Variants in TMEM272 observed in about 807,000 individuals in gnomAD.
The protein encoded by TMEM272 is long intergenic non-protein coding RNA 282.
TMEM272 carries 8 observed loss-of-function variants against 3.7 expected under a neutral mutation model. The ratio of observed to expected loss-of-function variants is 2.17; its 90% CI spans 1.27 to 3.91. The LOEUF (loss-of-function observed/expected upper bound fraction) is 3.91. TMEM272 is among the 30% of genes most tolerant of loss of function. The probability of loss-of-function intolerance (pLI) is 0.00; values close to 1 mark genes in which losing one functional copy is unlikely to be tolerated. For synonymous variants in TMEM272, 63 were observed against 39.8 expected (o/e 1.58, Z -2.20); for missense variants, 166 against 91.5 (o/e 1.81, Z -3.32).
At chr13:51,861,530 G>T in the TMEM272 span, among the ~76,000 whole-genome samples, 2 of 152,056 alleles carry the variant, frequency 1.3e-5, no homozygotes, top group Admixed American at 6.5e-5. Flanking sequence ...TTGTAAACAG[G>T]TTAATTGAGA....
the TMEM272 span, among the ~76,000 whole-genome samples, chr13:51,852,880 CAA>C: frequency 5.0e-3 from 556 of 110,534 alleles, 3 homozygotes; most frequent in African/African-American, 0.013. Flanking sequence ...AAAACTCCGT[CAA>C]AAAAAAAAAA....
Position 51,816,717 on chromosome 13 carries a change from A to G in TMEM272, c.*34T>C. 1 of 677,534 alleles carries G rather than the reference A, an allele frequency of 1.5e-6. No individual in the cohort carries two copies. The highest frequency in any genetic ancestry group is 2.7e-6 in the Non-Finnish European group (1 of 370,080). 42.0% of individuals were successfully genotyped at this position (677,534 alleles called of 1,614,324 possible). On this transcript the variant is annotated 3_prime_UTR_variant, in exon 5 of 5. Transcript: ENST00000629372. ...TGTGCACGCGCGTGCATGCACACGC[A>G]TATGCATACATGGTATGCTGGACAA...
the TMEM272 span, among the ~76,000 whole-genome samples, chr13:51,875,041 C>T: frequency 5.3e-5 from 8 of 151,960 alleles, no homozygotes; most frequent in African/African-American, 1.9e-4. Flanking sequence ...ATTTCCCTAA[C>T]CAATGCGGCT....
At chr13:51,914,236 C>T in the TMEM272 span, among the ~76,000 whole-genome samples, 1 of 152,160 alleles carries the variant, frequency 6.6e-6, no homozygotes, top group African/African-American at 2.4e-5. Context: ...AGAGTTGGAT[C>T]GTGTAACTTG....
At chr13:51,837,875 G>A (rs1312838928) in intron 2 of TMEM272, among the ~76,000 whole-genome samples, 1 of 152,232 alleles carries the variant, frequency 6.6e-6, no homozygotes. Flanking sequence ...AGTTGCTTAA[G>A]GCTTCCCACA....
the TMEM272 span, among the ~76,000 whole-genome samples, chr13:51,913,487 G>A: frequency 3.0e-4 from 45 of 152,316 alleles, no homozygotes; most frequent in African/African-American, 8.9e-4. Context: ...TGCTTACTGA[G>A]CTCTTCCCTG....
chr13:51,905,447 T>C, the TMEM272 span, among the ~76,000 whole-genome samples: 23 of 152,180 alleles, frequency 1.5e-4, no homozygotes, highest in Non-Finnish European at 3.2e-4. Flanking sequence ...AGCACCTTCT[T>C]CAGAGCAACC....
intron 1 of TMEM272, among the ~76,000 whole-genome samples, chr13:51,838,917 C>G (rs1016011934): frequency 6.6e-6 from 1 of 152,116 alleles, no homozygotes; most frequent in African/African-American, 2.4e-5. Context: ...CCACAACAAT[C>G]CTATCTGGGA....
intron 2 of TMEM272, among the ~76,000 whole-genome samples, chr13:51,835,318 G>A (rs1327633782): frequency 2.7e-5 from 4 of 150,610 alleles, no homozygotes; most frequent in East Asian, 2.0e-4. Context: ...TCCACCTACC[G>A]GGTTCAAGCG....
chr13:51,930,100 T>C, the TMEM272 span, among the ~76,000 whole-genome samples: 1 of 148,722 alleles, frequency 6.7e-6, no homozygotes, highest in Non-Finnish European at 1.5e-5. Flanking sequence ...GGCTTTCCTT[T>C]TGGGGCTGGG....
At chr13:51,913,441 T>C in the TMEM272 span, among the ~76,000 whole-genome samples, 1 of 152,246 alleles carries the variant, frequency 6.6e-6, no homozygotes, top group East Asian at 1.9e-4. Flanking sequence ...ACTGTAATTA[T>C]ATTGTCTCCC....
chr13:51,913,502 G>C, the TMEM272 span, among the ~76,000 whole-genome samples: 7 of 152,228 alleles, frequency 4.6e-5, no homozygotes, highest in Non-Finnish European at 1.0e-4. Flanking sequence ...TCCCTGATGA[G>C]CAGGCCCCTC....
At chr13:51,862,819 A>G in the TMEM272 span, among the ~76,000 whole-genome samples, 1 of 152,218 alleles carries the variant, frequency 6.6e-6, no homozygotes, top group Non-Finnish European at 1.5e-5. Flanking sequence ...GAGCCATACA[A>G]CATAGAAAAT....
At chr13:51,868,156 T>C in the TMEM272 span, among the ~76,000 whole-genome samples, 2 of 152,254 alleles carry the variant, frequency 1.3e-5, no homozygotes, top group African/African-American at 4.8e-5. Context: ...CATCCACTTA[T>C]GTATTTATTC....
chr13:51,909,744 A>C, the TMEM272 span: 1 of 1,557,840 alleles, frequency 6.4e-7, no homozygotes, highest in Non-Finnish European at 8.8e-7. Flanking sequence ...GTTCATTTCT[A>C]ATTCCAAGTT....
At chr13:51,905,433 G>C in the TMEM272 span, among the ~76,000 whole-genome samples, 1 of 152,320 alleles carries the variant, frequency 6.6e-6, no homozygotes, top group Non-Finnish European at 1.5e-5. Flanking sequence ...CCTCTCATTT[G>C]GAGAGCACCT....
In TMEM272 at chr13:51,813,818, T is replaced by A. The variant is rs1955990608; in HGVS notation, c.*2933A>T. 2.6e-5 allele frequency: 4 copies of A among 152,370 alleles called. No individual in the cohort carries two copies. The highest frequency in any genetic ancestry group is 2.6e-4 in the Admixed American group (4 of 15,280). The allele number at this position is 152,370 out of a possible 1,614,324, so 9.4% of individuals were successfully genotyped here. Reference sequence around the variant, plus strand: ...ATGATGCCCGATGTAGCAAATAAAATGATCTCAACATATAGTTTATCTTTG... The same window carrying A: ...ATGATGCCCGATGTAGCAAATAAAAAGATCTCAACATATAGTTTATCTTTG... On this transcript the variant is annotated 3_prime_UTR_variant, in exon 5 of 5. Coordinates refer to ENST00000629372, the MANE Select transcript of TMEM272 (RefSeq NM_001351003.2).
chr13:51,835,289 A>G (rs1956206472), intron 2 of TMEM272, among the ~76,000 whole-genome samples: 1 of 151,190 alleles, frequency 6.6e-6, no homozygotes, highest in South Asian at 2.1e-4. Flanking sequence ...CAGTGGTGCA[A>G]TCTCGGCTCA....
intron 4 of TMEM272, among the ~76,000 whole-genome samples, chr13:51,819,027 A>G (rs1322623459): frequency 6.6e-6 from 1 of 152,222 alleles, no homozygotes; most frequent in Admixed American, 6.5e-5. Context: ...TTCTCGCCTA[A>G]GACTTGCAGC....
Sources: gnomAD v4.1 joint callset for allele counts (sites outside exome capture counted in the v4.1 genomes callset) on GRCh38, gnomAD v4.1.1 for gene constraint, MANE v1.5 for transcripts, NCBI Gene and HGNC (gene_info 2026-07-23, HGNC 2026-07-21) for gene names.